CHRM3: variants seen among roughly 807,000 people sequenced by gnomAD.
The protein encoded by CHRM3 is cholinergic receptor muscarinic 3.
A neutral mutation model predicts 41.8 loss-of-function variants in CHRM3; 11 were observed. The ratio of observed to expected loss-of-function variants is 0.26; its 90% CI spans 0.17 to 0.44. The LOEUF is 0.44. Ranked by LOEUF, CHRM3 falls within the 20% of genes least tolerant of loss-of-function variation. The pLI is 1.00. For synonymous variants in CHRM3, 297 were observed against 301.4 expected (o/e 0.99, Z 0.15); for missense variants, 571 against 745.4 (o/e 0.77, Z 2.72).
chr1:239,602,674 T>C (rs1247074766), intron 3 of CHRM3, among the ~76,000 whole-genome samples: 4 of 152,194 alleles, frequency 2.6e-5, no homozygotes, highest in Non-Finnish European at 5.9e-5. Flanking sequence ...AGTAATAGTG[T>C]AAGGAATGTT....
intron 1 of CHRM3, among the ~76,000 whole-genome samples, chr1:239,404,087 G>C (rs927680041): frequency 6.7e-6 from 1 of 149,906 alleles, no homozygotes; most frequent in African/African-American, 2.5e-5. Context: ...ACGAGATCGA[G>C]ACCATCCTGG....
chr1:239,895,691 A>G (rs1678939287), intron 6 of CHRM3, among the ~76,000 whole-genome samples: 1 of 152,240 alleles, frequency 6.6e-6, no homozygotes, highest in South Asian at 2.1e-4. Flanking sequence ...GCTGAAAGCC[A>G]TTATCCTAAG....
intron 5 of CHRM3, among the ~76,000 whole-genome samples, chr1:239,825,728 A>G (rs1323364488): frequency 6.6e-6 from 1 of 151,892 alleles, no homozygotes; most frequent in Non-Finnish European, 1.5e-5. Context: ...ATTTTTTTTT[A>G]TTTGGAGACA....
At chr1:239,400,168 C>T (rs1054158121) in intron 1 of CHRM3, among the ~76,000 whole-genome samples, 1 of 152,330 alleles carries the variant, frequency 6.6e-6, no homozygotes, top group South Asian at 2.1e-4. Context: ...CTCGGCCTTC[C>T]AAAGTGTGGG....
chr1:239,604,803 G>A (rs974045460), intron 3 of CHRM3, among the ~76,000 whole-genome samples: 3 of 152,166 alleles, frequency 2.0e-5, no homozygotes, highest in Non-Finnish European at 4.4e-5. Context: ...TACAATGGGG[G>A]AAAGAAGCGT....
chr1:239,628,981 T>G (rs1306695283), intron 3 of CHRM3: 1 of 50,502 alleles, frequency 2.0e-5, no homozygotes, highest in Non-Finnish European at 3.7e-5. Flanking sequence ...CCCCCAGAGG[T>G]GGAGCCTACA....
intron 5 of CHRM3, among the ~76,000 whole-genome samples, chr1:239,771,934 A>G (rs1051225140): frequency 5.3e-5 from 8 of 152,186 alleles, no homozygotes; most frequent in African/African-American, 1.9e-4. Context: ...AATATCCTCT[A>G]TTTCTTTGTG....
chr1:239,895,710 T>A (rs954828666), intron 6 of CHRM3, among the ~76,000 whole-genome samples: 7 of 152,112 alleles, frequency 4.6e-5, no homozygotes, highest in African/African-American at 1.4e-4. Context: ...AGCAAAGTAA[T>A]GCAAGAACAG....
intron 5 of CHRM3, among the ~76,000 whole-genome samples, chr1:239,720,850 T>C (rs1662898915): frequency 6.6e-6 from 1 of 151,948 alleles, no homozygotes; most frequent in African/African-American, 2.4e-5. Flanking sequence ...CCCCTTATCT[T>C]TATTTAAATA....
intron 1 of CHRM3, among the ~76,000 whole-genome samples, chr1:239,441,654 T>G (rs966417201): frequency 6.6e-5 from 10 of 152,220 alleles, no homozygotes; most frequent in Admixed American, 6.5e-4. Flanking sequence ...AAATGTTAAC[T>G]CATTTCTGAC....
intron 1 of CHRM3, among the ~76,000 whole-genome samples, chr1:239,411,911 G>C (rs1350258402): frequency 6.6e-6 from 1 of 151,652 alleles, no homozygotes; most frequent in Non-Finnish European, 1.5e-5. Flanking sequence ...AGATTCTTAG[G>C]CTGTTTTTTC....
intron 2 of CHRM3, among the ~76,000 whole-genome samples, chr1:239,509,313 ATCT>A (rs1322366015): frequency 1.3e-5 from 2 of 152,170 alleles, no homozygotes; most frequent in East Asian, 1.9e-4. Context: ...GTAATTACTG[ATCT>A]TCTTATAGTC....
chr1:239,431,153 A>G (rs1662803785), intron 1 of CHRM3, among the ~76,000 whole-genome samples: 1 of 152,154 alleles, frequency 6.6e-6, no homozygotes, highest in African/African-American at 2.4e-5. Context: ...TGAAATATTT[A>G]TAGGTACCTA....
At chr1:239,790,614 T>A (rs1669265863) in intron 5 of CHRM3, among the ~76,000 whole-genome samples, 1 of 152,204 alleles carries the variant, frequency 6.6e-6, no homozygotes, top group South Asian at 2.1e-4. Context: ...CAGTCTTGGG[T>A]ATGTCTTTAT....
chr1:239,483,474 G>A (rs1275389429), intron 1 of CHRM3, among the ~76,000 whole-genome samples: 3 of 152,216 alleles, frequency 2.0e-5, no homozygotes, highest in Non-Finnish European at 4.4e-5. Context: ...GCCTAAGATG[G>A]TTGTCCCTCC....
chr1:239,490,947 C>T (rs1667512574), intron 1 of CHRM3, among the ~76,000 whole-genome samples: 1 of 152,020 alleles, frequency 6.6e-6, no homozygotes, highest in South Asian at 2.1e-4. Flanking sequence ...TGCCATGTTG[C>T]CCAGGCTGGT....
At chr1:239,688,437 A>C (rs925819686) in intron 5 of CHRM3, among the ~76,000 whole-genome samples, 1 of 142,852 alleles carries the variant, frequency 7.0e-6, no homozygotes, top group South Asian at 2.1e-4. Context: ...ATATATTTAC[A>C]TATCATATTT....
intron 5 of CHRM3, among the ~76,000 whole-genome samples, chr1:239,725,550 A>T (rs1663359596): frequency 6.6e-6 from 1 of 151,928 alleles, no homozygotes; most frequent in African/African-American, 2.4e-5. Flanking sequence ...CATTTATTAG[A>T]TTTTAAACTG....
intron 3 of CHRM3, among the ~76,000 whole-genome samples, chr1:239,583,159 C>CTGTGTGGGA (rs1663063937): frequency 6.6e-6 from 1 of 152,172 alleles, no homozygotes; most frequent in Non-Finnish European, 1.5e-5. Flanking sequence ...GAGCGAAATT[C>CTGTGTGGGA]TGTGTGGGCT....
Sources: gnomAD v4.1 joint callset for allele counts (sites outside exome capture counted in the v4.1 genomes callset) on GRCh38, gnomAD v4.1.1 for gene constraint, MANE v1.5 for transcripts, NCBI Gene and HGNC (gene_info 2026-07-23, HGNC 2026-07-21) for gene names.